The following METTL16 variants were observed in gnomAD, a reference collection of about 807,000 sequenced individuals.
The protein encoded by METTL16 is RNA N(6)-adenosine-methyltransferase METTL16.
METTL16 carries 19 observed loss-of-function variants against 57.9 expected under a neutral mutation model. The observed-to-expected ratio is 0.33, with a 90% CI of 0.23 to 0.48. The LOEUF is 0.48. Among genes scored for constraint, METTL16 ranks in the 20% least tolerant of loss-of-function variants. The pLI, the probability that METTL16 is intolerant of heterozygous loss-of-function variation, is 0.99. For synonymous variants in METTL16, 246 were observed against 255.6 expected (o/e 0.96, Z 0.36); for missense variants, 434 against 691.5 (o/e 0.63, Z 4.18).
chr17:2,442,235 A>G (rs1439115424), intron 6 of METTL16, among the ~76,000 whole-genome samples: 1 of 152,246 alleles, frequency 6.6e-6, no homozygotes, highest in African/African-American at 2.4e-5. Flanking sequence ...GACAAAACAT[A>G]TAAAATAGCT....
At chr17:2,438,432 G>A (rs994888919) in intron 7 of METTL16, among the ~76,000 whole-genome samples, 1 of 152,150 alleles carries the variant, frequency 6.6e-6, no homozygotes, top group Admixed American at 6.5e-5. Context: ...TGACTTGAAG[G>A]TTCAAATATA....
chr17:2,487,411 C>T (rs2067351642), intron 2 of METTL16, among the ~76,000 whole-genome samples: 1 of 152,206 alleles, frequency 6.6e-6, no homozygotes, highest in Admixed American at 6.5e-5. Flanking sequence ...GGAAAGAGAG[C>T]TGCGGCGCAA....
chr17:2,499,508 G>A (rs948047250), intron 2 of METTL16, among the ~76,000 whole-genome samples: 3 of 151,724 alleles, frequency 2.0e-5, no homozygotes, highest in Non-Finnish European at 2.9e-5. Flanking sequence ...CAACATCCAC[G>A]TATATCACTA....
chr17:2,438,333 T>C (rs1353714246), intron 7 of METTL16, 135 bp from the exon 8 acceptor site: 9 of 648,446 alleles, frequency 1.4e-5, no homozygotes, highest in East Asian at 1.1e-4. Flanking sequence ...ACAACAGTTA[T>C]AGATAGCTGC....
intron 2 of METTL16, among the ~76,000 whole-genome samples, chr17:2,492,158 C>G (rs1317377518): frequency 1.3e-5 from 2 of 152,008 alleles, no homozygotes; most frequent in East Asian, 3.9e-4. Context: ...TTGCAGTGAG[C>G]CGAGATTGCG....
chr17:2,467,529 G>A (rs184159126), intron 5 of METTL16, among the ~76,000 whole-genome samples: 9 of 152,046 alleles, frequency 5.9e-5, no homozygotes, highest in Non-Finnish European at 1.2e-4. Context: ...GGGTTCTAGC[G>A]ATTCTCCTGC....
At chr17:2,429,352 C>A (rs1036312548) in intron 8 of METTL16, among the ~76,000 whole-genome samples, 1 of 150,878 alleles carries the variant, frequency 6.6e-6, no homozygotes, top group Admixed American at 6.7e-5. Context: ...TCACACCCGA[C>A]TAAATTTGTA....
chr17:2,454,649 C>A (rs1041267013), intron 6 of METTL16, among the ~76,000 whole-genome samples: 6 of 149,918 alleles, frequency 4.0e-5, no homozygotes, highest in African/African-American at 1.5e-4. Flanking sequence ...ACTGCAACCA[C>A]TGTCTCCTGG....
intron 3 of METTL16, among the ~76,000 whole-genome samples, chr17:2,474,144 A>G (rs2067253992): frequency 6.6e-6 from 1 of 152,136 alleles, no homozygotes; most frequent in South Asian, 2.1e-4. Flanking sequence ...TTCACCTAAA[A>G]TGCTCAAAAC....
chr17:2,453,326 C>T (rs1227413745), intron 6 of METTL16, among the ~76,000 whole-genome samples: 3 of 152,190 alleles, frequency 2.0e-5, no homozygotes, highest in Non-Finnish European at 2.9e-5. Context: ...ATTTCATGTA[C>T]TTGTCATGTC....
At chr17:2,498,458 C>G (rs547198767) in intron 2 of METTL16, among the ~76,000 whole-genome samples, 1 of 151,500 alleles carries the variant, frequency 6.6e-6, no homozygotes, top group African/African-American at 2.4e-5. Flanking sequence ...TAACCATCAG[C>G]TGGGCGCGGT....
chr17:2,482,356 G>A (rs111794543), intron 2 of METTL16, among the ~76,000 whole-genome samples: 3 of 152,130 alleles, frequency 2.0e-5, no homozygotes, highest in African/African-American at 7.2e-5. Context: ...AACACTAACT[G>A]AGGACTTACT....
chr17:2,500,703 G>GT (rs2067481325), intron 2 of METTL16, among the ~76,000 whole-genome samples: 1 of 152,188 alleles, frequency 6.6e-6, no homozygotes, highest in African/African-American at 2.4e-5. Flanking sequence ...AACTCGCAGA[G>GT]TTGAGGAATG....
At chr17:2,491,149 A>T (rs1386330733) in intron 2 of METTL16, among the ~76,000 whole-genome samples, 1 of 152,212 alleles carries the variant, frequency 6.6e-6, no homozygotes, top group Non-Finnish European at 1.5e-5. Context: ...ACAGACAGGC[A>T]AGATCTTTTC....
At chr17:2,453,247 C>T (rs1007643533) in intron 6 of METTL16, among the ~76,000 whole-genome samples, 8 of 152,174 alleles carry the variant, frequency 5.3e-5, no homozygotes, top group African/African-American at 1.9e-4. Flanking sequence ...ATCTGGAATA[C>T]AGTCCACACT....
rs1567881683 is a variant in METTL16, at chr17:2,428,594, TATATA to T, written c.889-7695_889-7691del. ...ATATATATATATATATATATATATA[TATATA>T]TATAAATTGTAATACAGCGGGGCAC... On this transcript the variant is annotated intron_variant, in intron 8 of 9. Coordinates refer to ENST00000263092, the MANE Select transcript of METTL16 (RefSeq NM_024086.4). 6.4e-4 allele frequency among the ~76,000 whole-genome samples: 32 copies of T among 49,994 alleles called. 4 individuals are homozygous for T. The highest frequency in any genetic ancestry group is 2.5e-3 in the Admixed American group (7 of 2,816). The allele number at this position is 49,994 out of a possible 152,430, so 32.8% of individuals were successfully genotyped here.
intron 6 of METTL16, among the ~76,000 whole-genome samples, chr17:2,462,692 C>T (rs760726027): frequency 1.8e-4 from 27 of 152,248 alleles, no homozygotes; most frequent in South Asian, 2.1e-4. Flanking sequence ...CTTCACCTTC[C>T]GCCATGATTG....
chr17:2,505,540 C>A (rs184880938), intron 1 of METTL16, among the ~76,000 whole-genome samples: 1 of 151,582 alleles, frequency 6.6e-6, no homozygotes, highest in East Asian at 1.9e-4. Flanking sequence ...TAAGCCACCA[C>A]GCCCGGCCAG....
intron 8 of METTL16, among the ~76,000 whole-genome samples, chr17:2,422,841 G>A (rs940572565): frequency 0.12 from 9 of 72 alleles, no homozygotes; most frequent in Non-Finnish European, 0.17. Flanking sequence ...AAAATTAGCC[G>A]GGTGTGGTGG....
Sources: allele counts gnomAD v4.1 joint callset (sites outside exome capture counted in the v4.1 genomes callset), GRCh38; gene constraint gnomAD v4.1.1; transcripts MANE v1.5; gene names NCBI Gene and HGNC (gene_info 2026-07-23, HGNC 2026-07-21).